TNRC6B: variants seen among roughly 807,000 people sequenced by gnomAD.
TNRC6B encodes trinucleotide repeat-containing gene 6B protein.
A neutral mutation model predicts 203.6 loss-of-function variants in TNRC6B; 52 were observed. That is an observed-to-expected ratio of 0.26 (90% CI 0.20 to 0.32). The LOEUF (loss-of-function observed/expected upper bound fraction) is 0.32, where lower values mean the gene tolerates loss of function less well. Ranked by LOEUF, TNRC6B falls within the 10% of genes least tolerant of loss-of-function variation. The pLI is 1.00. For synonymous variants in TNRC6B, 838 were observed against 845.7 expected, an observed-to-expected ratio of 0.99 and a Z score of 0.16; for missense variants, 1,923 against 2,286.2, an observed-to-expected ratio of 0.84 and a Z score of 3.24.
intron 12 of TNRC6B, among the ~76,000 whole-genome samples, chr22:40,291,003 A>G (rs1183944059): frequency 6.6e-6 from 1 of 152,174 alleles, no homozygotes; most frequent in Non-Finnish European, 1.5e-5. Context: ...TATTTAATGC[A>G]TACTGGGAGC....
intron 4 of TNRC6B, among the ~76,000 whole-genome samples, chr22:40,163,456 CAAA>C (rs1180212519): frequency 1.4e-4 from 1 of 7,000 alleles, no homozygotes; most frequent in African/African-American, 1.8e-3. Flanking sequence ...GACCCTGTCT[CAAA>C]AAAAAAAAAA....
At chr22:40,168,599 A>T (rs1269931375) in intron 4 of TNRC6B, among the ~76,000 whole-genome samples, 1 of 152,232 alleles carries the variant, frequency 6.6e-6, no homozygotes, top group Non-Finnish European at 1.5e-5. Flanking sequence ...AACTGAATCC[A>T]GAGATTGTTG....
At chr22:40,313,093 C>G in intron 19 of TNRC6B, 96 bp downstream of exon 19, 2 of 956,734 alleles carry the variant, frequency 2.1e-6, no homozygotes, top group East Asian at 2.6e-5. Context: ...AAGATATACT[C>G]TTACAGAAGT....
At chr22:40,057,231 A>T (rs2067805620) in intron 1 of TNRC6B, among the ~76,000 whole-genome samples, 1 of 150,918 alleles carries the variant, frequency 6.6e-6, no homozygotes, top group Non-Finnish European at 1.5e-5. Context: ...TAGTACAGTT[A>T]CATTGAATTT....
intron 1 of TNRC6B, among the ~76,000 whole-genome samples, chr22:40,179,846 C>T (rs1166045626): frequency 6.6e-6 from 1 of 151,594 alleles, no homozygotes; most frequent in African/African-American, 2.4e-5. Context: ...GATGAAGGGA[C>T]TTTCACGCTA....
At chr22:40,297,692 C>G (rs1156274033) in intron 12 of TNRC6B, among the ~76,000 whole-genome samples, 1 of 151,626 alleles carries the variant, frequency 6.6e-6, no homozygotes, top group African/African-American at 2.4e-5. Flanking sequence ...TGTGGTGGTG[C>G]GTGCCTGTAG....
rs150804670 is a variant in TNRC6B, at chr22:40,268,640, G to A, written c.2807-1482G>A. On this transcript the variant is annotated intron_variant, in intron 5 of 22. Transcript: ENST00000454349. ...AATAAAATAATCTTTGGCCAGGCGC[G>A]GTGGCTCACGCCTGTAATCCCAGCA... Among the ~76,000 whole-genome samples the A allele has an allele frequency of 3.2e-3, 486 of 152,108 alleles. 3 individuals are homozygous for A. Among genetic ancestry groups the A allele is most frequent in the African/African-American group, 0.011 (452 of 41,532 alleles).
At chr22:40,065,468 A>G (rs1455380828) in intron 1 of TNRC6B, among the ~76,000 whole-genome samples, 5 of 151,884 alleles carry the variant, frequency 3.3e-5, no homozygotes, top group Non-Finnish European at 7.4e-5. Flanking sequence ...AATTTTTTTT[A>G]TTATGAATTT....
chr22:40,219,989 G>A (rs546333219), intron 1 of TNRC6B, among the ~76,000 whole-genome samples: 2 of 152,286 alleles, frequency 1.3e-5, no homozygotes, highest in South Asian at 2.1e-4. Context: ...GGGGAAAAAC[G>A]GGTTTTATTG....
intron 3 of TNRC6B, among the ~76,000 whole-genome samples, chr22:40,139,869 C>T (rs1456456942): frequency 1.5e-4 from 23 of 152,140 alleles, no homozygotes. Flanking sequence ...CAAGTGACTA[C>T]ACCATTTTAT....
chr22:40,058,788 G>A (rs979230278), intron 1 of TNRC6B, among the ~76,000 whole-genome samples: 1 of 152,046 alleles, frequency 6.6e-6, no homozygotes, highest in Non-Finnish European at 1.5e-5. Flanking sequence ...TGGAAACATT[G>A]CCATATCCTT....
chr22:40,047,423 G>GT (rs2067699889), intron 1 of TNRC6B, among the ~76,000 whole-genome samples: 1 of 143,410 alleles, frequency 7.0e-6, no homozygotes, highest in Non-Finnish European at 1.5e-5. Flanking sequence ...CCAACATGGT[G>GT]AAACCCCGTC....
intron 1 of TNRC6B, chr22:40,106,893 G>T: frequency 1.0e-6 from 1 of 974,104 alleles, no homozygotes; most frequent in Non-Finnish European, 1.6e-6. Flanking sequence ...TGTTCCTTGT[G>T]ACAGTGCTTC....
intron 1 of TNRC6B, among the ~76,000 whole-genome samples, chr22:40,181,322 C>A (rs1021098140): frequency 6.6e-6 from 1 of 152,152 alleles, no homozygotes; most frequent in Non-Finnish European, 1.5e-5. Context: ...TTGAGGACCA[C>A]CCTGAGGAAT....
intron 1 of TNRC6B, among the ~76,000 whole-genome samples, chr22:40,189,472 T>C (rs1446345586): frequency 1.3e-5 from 2 of 150,334 alleles, no homozygotes; most frequent in African/African-American, 2.5e-5. Context: ...CCGCTGTTTG[T>C]TGGGGTACTA....
intron 1 of TNRC6B, among the ~76,000 whole-genome samples, chr22:40,228,826 A>G (rs2069828388): frequency 6.6e-6 from 1 of 152,018 alleles, no homozygotes; most frequent in Admixed American, 6.6e-5. Flanking sequence ...GCCCAGCCCC[A>G]GGAGGCTGTT....
chr22:40,275,590 C>G (rs561597860), intron 7 of TNRC6B, among the ~76,000 whole-genome samples: 9 of 152,284 alleles, frequency 5.9e-5, no homozygotes, highest in African/African-American at 2.2e-4. Context: ...TTCTATCTTA[C>G]AAAACTGAAC....
intron 1 of TNRC6B, among the ~76,000 whole-genome samples, chr22:40,110,957 A>G (rs1343498517): frequency 6.6e-6 from 1 of 152,240 alleles, no homozygotes; most frequent in African/African-American, 2.4e-5. Flanking sequence ...TGCTGGCACT[A>G]TATTGAATGA....
At chr22:40,195,307 A>G (rs1166109105) in intron 1 of TNRC6B, among the ~76,000 whole-genome samples, 1 of 152,224 alleles carries the variant, frequency 6.6e-6, no homozygotes, top group Non-Finnish European at 1.5e-5. Context: ...GAGCAAATAG[A>G]TCATCTGGCA....
Sources: allele counts gnomAD v4.1 joint callset (sites outside exome capture counted in the v4.1 genomes callset), GRCh38; gene constraint gnomAD v4.1.1; transcripts MANE v1.5; gene names NCBI Gene and HGNC (gene_info 2026-07-23, HGNC 2026-07-21).